Variants in BMP3 observed in about 807,000 individuals in gnomAD.
The protein encoded by BMP3 is bone morphogenetic protein 3 (osteogenic).
Under a neutral mutation model 38.1 loss-of-function variants are expected in BMP3, and 23 were observed. That is an observed-to-expected ratio of 0.60 (90% CI 0.43 to 0.86). The LOEUF is 0.86. Among genes scored for constraint, BMP3 ranks in the 40% least tolerant of loss-of-function variants. The pLI, the probability that BMP3 is intolerant of heterozygous loss-of-function variation, is 0.00. For missense variants in BMP3, 628 were observed against 579.6 expected (o/e 1.08, Z -0.86); for synonymous variants, 258 against 225.7 (o/e 1.14, Z -1.28).
At chr4:81,045,250 A>C (rs966037936) in intron 1 of BMP3, among the ~76,000 whole-genome samples, 11 of 152,088 alleles carry the variant, frequency 7.2e-5, no homozygotes, top group Admixed American at 4.6e-4. Flanking sequence ...GGCCATTTAT[A>C]TATCTTCTTT....
In BMP3 at chr4:81,031,496, A is replaced by G; in HGVS notation, c.212A>G (p.Gln71Arg). 1.2e-6 allele frequency: 2 copies of G among 1,612,950 alleles called. 1 individual carries two copies. Among genetic ancestry groups the G allele is most frequent in the Middle Eastern group, 3.3e-4 (2 of 6,062 alleles). Residue 71 changes from glutamine (Q) to arginine (R), a missense_variant, in exon 1 of 3, where the codon CAG (glutamine) becomes CGG (arginine). By Grantham distance (43) the Gln-to-Arg change is conservative. Transcript: ENST00000282701. ...CTCTATGACAGGTACAGCACGGTCCAGGCGGCCCGGACACCGGGCTCCCTG... is the reference window on the plus strand; with the variant it reads ...CTCTATGACAGGTACAGCACGGTCCGGGCGGCCCGGACACCGGGCTCCCTG... ...LRLYDRYSTV[Q>R]AARTPGSLEG...
At position 81,046,488 on chromosome 4, in the gene BMP3, T is replaced by C; in HGVS notation, c.1067T>C (p.Leu356Pro). The C allele has an allele frequency of 6.2e-7, 1 of 1,613,966 alleles. No individual in the cohort carries two copies. Among genetic ancestry groups the C allele is most frequent in the Non-Finnish European group, 8.5e-7 (1 of 1,179,962 alleles). The part of the protein sequence containing the change: ...SQTLQFDEQT[L>P]KKARRKQWIE... ...ACGCTCCAATTTGATGAGCAGACCC[T>C]GAAAAAGGCAAGGAGAAAGCAGTGG... Residue 356 changes from leucine to proline, a missense_variant, in exon 2 of 3, where the codon CTG becomes CCG. Coordinates refer to ENST00000282701, the MANE Select transcript of BMP3 (RefSeq NM_001201.5).
rs1417905885 is a variant in BMP3, at chr4:81,031,618, G to A, written c.316+18G>A. On this transcript the variant is annotated intron_variant, in intron 1 of 2. Transcript: ENST00000282701. Reference sequence around the variant, plus strand: ...AGCAGCAGGTGAGTGCGCGAGGTGAGACTCCCTTCCCGCGGTCCCGCCCCA... The same window carrying A: ...AGCAGCAGGTGAGTGCGCGAGGTGAAACTCCCTTCCCGCGGTCCCGCCCCA... 1 of 1,558,032 alleles carries A rather than the reference G, an allele frequency of 6.4e-7. No homozygotes were observed. Among genetic ancestry groups the A allele is most frequent in the Admixed American group, 1.8e-5 (1 of 55,186 alleles).
intron 2 of BMP3, among the ~76,000 whole-genome samples, chr4:81,048,520 C>A (rs1173982306): frequency 6.6e-6 from 1 of 152,140 alleles, no homozygotes; most frequent in East Asian, 1.9e-4. Flanking sequence ...TGCTTTTGAA[C>A]CTCTAGCTCT....
chr4:81,032,079 C>T (rs892149944), intron 1 of BMP3, among the ~76,000 whole-genome samples: 3 of 151,770 alleles, frequency 2.0e-5, no homozygotes, highest in Non-Finnish European at 4.4e-5. Flanking sequence ...AAGACGCCTT[C>T]CCCTCTCCTT....
At chr4:81,041,365 T>C (rs1363977207) in intron 1 of BMP3, among the ~76,000 whole-genome samples, 1 of 152,196 alleles carries the variant, frequency 6.6e-6, no homozygotes, top group African/African-American at 2.4e-5. Flanking sequence ...TGTTTTAGAA[T>C]CAGAGAAGGC....
chr4:81,053,272 G>C (rs1248228666), intron 2 of BMP3, 73 bp from the exon 3 acceptor site: 3 of 1,085,186 alleles, frequency 2.8e-6, no homozygotes, highest in Non-Finnish European at 3.8e-6. Flanking sequence ...TAAGCATTTT[G>C]TGTAATGAGG....
chr4:81,040,099 C>A (rs1242606918), intron 1 of BMP3, among the ~76,000 whole-genome samples: 2 of 152,168 alleles, frequency 1.3e-5, no homozygotes, highest in Admixed American at 6.5e-5. Flanking sequence ...CACCTGACTT[C>A]CAACCTCCTT....
intron 1 of BMP3, among the ~76,000 whole-genome samples, chr4:81,045,131 C>G (rs72870207): frequency 0.044 from 6,717 of 152,026 alleles, 178 homozygotes; most frequent in African/African-American, 0.07. Context: ...TGGGTTTTTT[C>G]GTTTATTTGT....
intron 1 of BMP3, among the ~76,000 whole-genome samples, chr4:81,040,332 G>A (rs777905134): frequency 1.1e-4 from 16 of 152,106 alleles, no homozygotes; most frequent in Non-Finnish European, 1.6e-4. Context: ...GGGATGAGAC[G>A]TTCTCTCGTT....
At chr4:81,034,075 T>C (rs1578293035) in intron 1 of BMP3, among the ~76,000 whole-genome samples, 1 of 152,216 alleles carries the variant, frequency 6.6e-6, no homozygotes, top group Non-Finnish European at 1.5e-5. Context: ...AAACCTAGAA[T>C]ATCTTCGATT....
rs1336818050 is a variant in BMP3, at chr4:81,056,482, G to A, written c.*2946G>A. On this transcript the variant is annotated 3_prime_UTR_variant, in exon 3 of 3. Coordinates refer to ENST00000282701, the MANE Select transcript of BMP3 (RefSeq NM_001201.5). ...CTCCTGAGTAGCTGGGATTACAGGT[G>A]TCCGCCACCATGCCTGGCTAATTTT... is the stretch of plus-strand genomic sequence containing the variant. 1 of 152,334 alleles carries A rather than the reference G, an allele frequency of 6.6e-6. No homozygotes were observed. Among genetic ancestry groups the A allele is most frequent in the African/African-American group, 2.4e-5 (1 of 41,400 alleles). 9.4% of individuals were successfully genotyped at this position (152,334 alleles called of 1,614,324 possible). A position where few individuals can be genotyped will look rare whatever the true frequency, so the allele number is the denominator to read the frequency against.
At chr4:81,040,167 T>G (rs1476887947) in intron 1 of BMP3, among the ~76,000 whole-genome samples, 3 of 152,316 alleles carry the variant, frequency 2.0e-5, no homozygotes, top group African/African-American at 7.2e-5. Context: ...ATAATGCTAA[T>G]GGTAAACCCT....
intron 1 of BMP3, among the ~76,000 whole-genome samples, chr4:81,033,186 A>T (rs1313623238): frequency 6.6e-6 from 1 of 152,238 alleles, no homozygotes; most frequent in Non-Finnish European, 1.5e-5. Flanking sequence ...GGCCCCTAAG[A>T]TAAAAAACAA....
At chr4:81,043,797 C>T (rs1189747262) in intron 1 of BMP3, among the ~76,000 whole-genome samples, 1 of 151,984 alleles carries the variant, frequency 6.6e-6, no homozygotes, top group Non-Finnish European at 1.5e-5. Context: ...CTATGGTGGC[C>T]AGGCTGGTCT....
chr4:81,046,042 G>A lies in BMP3; in HGVS notation c.621G>A (p.Arg207=). The change falls in exon 2 of 3, where the codon AGG becomes AGA. Residue 207 remains arginine, a synonymous_variant. Coordinates refer to ENST00000282701, the MANE Select transcript of BMP3 (RefSeq NM_001201.5). ...CTAAAGATATCACTCAACTCTTGAG[G>A]AAGGCCAAAGAAAATGAAGAGTTCC... ...WLSKDITQLL[R]KAKENEEFLI... The A allele has an allele frequency of 1.2e-6, 2 of 1,614,160 alleles. No homozygotes were observed. The highest frequency in any genetic ancestry group is 1.7e-6 in the Non-Finnish European group (2 of 1,180,020).
At chr4:81,043,706 G>A (rs974698425) in intron 1 of BMP3, among the ~76,000 whole-genome samples, 19 of 150,822 alleles carry the variant, frequency 1.3e-4, no homozygotes, top group African/African-American at 4.6e-4. Context: ...TCCTGCCTCA[G>A]CCTCCCGAGT....
chr4:81,048,939 G>A (rs1361143981), intron 2 of BMP3, among the ~76,000 whole-genome samples: 1 of 152,146 alleles, frequency 6.6e-6, no homozygotes, highest in East Asian at 1.9e-4. Context: ...ACTTTGAGTA[G>A]CAAAAATAAA....
rs1393578605 is a variant in BMP3, at chr4:81,055,079, TAAAATG to T, written c.*1546_*1551del. ...TGTGTGTCTTTAGTGTCCTCACTGG[TAAAATG>T]AAGAGGCTGGCCATGAGCTGGAAGG... On this transcript the variant is annotated 3_prime_UTR_variant, in exon 3 of 3. Coordinates refer to ENST00000282701, the MANE Select transcript of BMP3 (RefSeq NM_001201.5). 6.6e-6 allele frequency: 1 copy of T among 152,180 alleles called. No individual in the cohort carries two copies. The highest frequency in any genetic ancestry group is 1.5e-5 in the Non-Finnish European group (1 of 68,010). The allele number at this position is 152,180 out of a possible 1,614,324, so 9.4% of individuals were successfully genotyped here.
Sources: gnomAD v4.1 joint callset for allele counts (sites outside exome capture counted in the v4.1 genomes callset) on GRCh38, gnomAD v4.1.1 for gene constraint, MANE v1.5 for transcripts, NCBI Gene and HGNC (gene_info 2026-07-23, HGNC 2026-07-21) for gene names.